Variants in RWDD2B observed in about 807,000 individuals in gnomAD.
The protein encoded by RWDD2B is RWD domain containing 2B, also known as RWD domain-containing protein 2B.
In RWDD2B, 36 loss-of-function variants were observed where a neutral mutation model predicts 33.6. The observed-to-expected ratio is 1.07, with a 90% CI of 0.82 to 1.42. The LOEUF is 1.42. Ranked by LOEUF, RWDD2B falls within the 40% of genes most tolerant of loss-of-function variation. The pLI, the probability that RWDD2B is intolerant of heterozygous loss-of-function variation, is 0.00. For missense variants in RWDD2B, 364 were observed against 377.5 expected (o/e 0.96, Z 0.30); for synonymous variants, 126 against 133.1 (o/e 0.95, Z 0.37).
rs777438336 is a variant in RWDD2B, at chr21:29,008,385, A to C, written c.294+10T>G. 3 of 1,613,652 alleles carry C rather than the reference A, an allele frequency of 1.9e-6. No individual in the cohort carries two copies. Among genetic ancestry groups the C allele is most frequent in the Non-Finnish European group, 2.5e-6 (3 of 1,179,600 alleles). ...ATGTTTCAATCCCTCTAAAAGCAAA[A>C]CTGAATTACCATTTTTTCGTCAGAT... On this transcript the variant is annotated intron_variant, in intron 2 of 4. Coordinates refer to ENST00000493196, the MANE Select transcript of RWDD2B (RefSeq NM_016940.3).
In RWDD2B at chr21:29,005,221, T is replaced by C. The variant is rs115485007; in HGVS notation, c.*1196A>G. 284 of 152,312 alleles carry C rather than the reference T, an allele frequency of 1.9e-3. 1 individual carries two copies. The highest frequency in any genetic ancestry group is 6.2e-3 in the African/African-American group (257 of 41,560). The allele number at this position is 152,312 out of a possible 1,614,324, so 9.4% of individuals were successfully genotyped here. ...TTTTCTAAATTACTAATTTGATGAA[T>C]TGTTGAGGCTTGTTAAAAAAGTTTA... On this transcript the variant is annotated 3_prime_UTR_variant, in exon 5 of 5. Transcript: ENST00000493196.
intron 1 of RWDD2B, among the ~76,000 whole-genome samples, chr21:29,017,909 G>C (rs1412960354): frequency 6.6e-6 from 1 of 152,206 alleles, no homozygotes; most frequent in African/African-American, 2.4e-5. Flanking sequence ...AGGACACGGG[G>C]AATAGAAGAG....
At chr21:29,011,575 C>T in intron 1 of RWDD2B, among the ~76,000 whole-genome samples, 1 of 148,078 alleles carries the variant, frequency 6.8e-6, no homozygotes, top group Non-Finnish European at 1.5e-5. Flanking sequence ...GCCGCCCCTT[C>T]CGGGAGGGAG....
At chr21:29,012,247 C>T (rs376140289) in intron 1 of RWDD2B, among the ~76,000 whole-genome samples, 1 of 152,150 alleles carries the variant, frequency 6.6e-6, no homozygotes, top group Middle Eastern at 3.4e-3. Flanking sequence ...CCCCTCTGCC[C>T]GGCCACCACC....
chr21:29,010,651 C>CTCTCCCTCTCCCGTCTCCCCATGG (rs1179159765), intron 1 of RWDD2B, among the ~76,000 whole-genome samples: 35 of 148,960 alleles, frequency 2.3e-4, no homozygotes, highest in Non-Finnish European at 3.0e-5. Flanking sequence ...AACCCTCTCC[C>CTCTCCCTCTCCCGTCTCCCCATGG]TCTCCCTCTC....
At chr21:29,016,591 C>T (rs2084891552) in intron 1 of RWDD2B, among the ~76,000 whole-genome samples, 1 of 151,704 alleles carries the variant, frequency 6.6e-6, no homozygotes, top group African/African-American at 2.4e-5. Flanking sequence ...AATCCTCATA[C>T]ATACTTAAAA....
At chr21:29,009,762 G>C (rs1457705194) in intron 1 of RWDD2B, 1 of 152,150 alleles carries the variant, frequency 6.6e-6, no homozygotes, top group Non-Finnish European at 1.5e-5. Flanking sequence ...TGTAGCTTAA[G>C]TCACCCCTGT....
chr21:29,008,175 G>A (rs768113366), intron 3 of RWDD2B, 52 bp from the exon 4 acceptor site: 12 of 1,610,096 alleles, frequency 7.5e-6, no homozygotes, highest in Admixed American at 5.1e-5. Flanking sequence ...AAACAAATTC[G>A]AGAATTGCTT....
At chr21:29,009,098 G>A (rs529451332) in intron 1 of RWDD2B, among the ~76,000 whole-genome samples, 4 of 152,194 alleles carry the variant, frequency 2.6e-5, no homozygotes, top group Non-Finnish European at 5.9e-5. Flanking sequence ...TGTTTATTAG[G>A]TTTTTTTGAG....
In RWDD2B at chr21:29,005,212, T is replaced by C. The variant is rs1211660586; in HGVS notation, c.*1205A>G. 6.6e-6 allele frequency: 1 copy of C among 152,188 alleles called. No individual in the cohort carries two copies. The highest frequency in any genetic ancestry group is 1.5e-5 in the Non-Finnish European group (1 of 68,034). 9.4% of individuals were successfully genotyped at this position (152,188 alleles called of 1,614,324 possible). Reference sequence around the variant, plus strand: ...CCAAACAAATTTTCTAAATTACTAATTTGATGAATTGTTGAGGCTTGTTAA... The same window carrying C: ...CCAAACAAATTTTCTAAATTACTAACTTGATGAATTGTTGAGGCTTGTTAA... On this transcript the variant is annotated 3_prime_UTR_variant, in exon 5 of 5. Transcript: ENST00000493196.
Position 29,007,812 on chromosome 21 carries a change from C to G in RWDD2B, c.674G>C (p.Gly225Ala). ...TTGTGGGCCTTCCACACAAACAACA[C>G]CAGGTTTTCCAGGCATGCTAAACCC... ...LSGFSMPGKP[G>A]VVCVEGPQSA... The change falls in exon 4 of 5, where the codon GGT becomes GCT. Residue 225 changes from glycine to alanine, a missense_variant. Coordinates refer to ENST00000493196, the MANE Select transcript of RWDD2B (RefSeq NM_016940.3). 6.2e-7 allele frequency: 1 copy of G among 1,614,208 alleles called. No homozygotes were observed. Among genetic ancestry groups the G allele is most frequent in the Non-Finnish European group, 8.5e-7 (1 of 1,180,026 alleles).
At chr21:29,015,654 C>T (rs1251250141) in intron 1 of RWDD2B, among the ~76,000 whole-genome samples, 2 of 150,640 alleles carry the variant, frequency 1.3e-5, no homozygotes, top group East Asian at 2.0e-4. Flanking sequence ...CTCAGCCTCC[C>T]GAATAGCTGG....
At chr21:29,012,079 C>T (rs1404354560) in intron 1 of RWDD2B, among the ~76,000 whole-genome samples, 106 of 143,982 alleles carry the variant, frequency 7.4e-4, no homozygotes, top group African/African-American at 2.7e-3. Context: ...AGTGAGGAGC[C>T]CCTCTGCCCG....
chr21:29,009,253 T>C (rs2084844969), intron 1 of RWDD2B, among the ~76,000 whole-genome samples: 2 of 152,080 alleles, frequency 1.3e-5, no homozygotes, highest in African/African-American at 4.8e-5. Flanking sequence ...ACGCCCGGCT[T>C]CATTTTTTAT....
At chr21:29,017,299 T>A (rs2084895168) in intron 1 of RWDD2B, among the ~76,000 whole-genome samples, 1 of 152,116 alleles carries the variant, frequency 6.6e-6, no homozygotes, top group South Asian at 2.1e-4. Context: ...GAGGATACCA[T>A]GACATCAAAA....
chr21:29,008,060 T>C lies in RWDD2B; in HGVS notation c.426A>G (p.Gln142=), dbSNP rs1384687697. 2.5e-6 allele frequency: 4 copies of C among 1,614,194 alleles called. No homozygotes were observed. The highest frequency in any genetic ancestry group is 8.5e-7 in the Non-Finnish European group (1 of 1,180,002). The change falls in exon 4 of 5, where the codon CAA becomes CAG. Residue 142 remains glutamine (Q), a synonymous_variant. Coordinates refer to ENST00000493196, the MANE Select transcript of RWDD2B (RefSeq NM_016940.3). The stretch of plus-strand genomic sequence containing the variant: ...TACAAACATCTCCATGACAATGTTT[T>C]TGCAGGAATGCAGTCAGATCTGTGT... The part of the protein sequence containing the change: ...QLNTDLTAFL[Q]KHCHGDVCIL...
intron 1 of RWDD2B, among the ~76,000 whole-genome samples, chr21:29,018,760 G>A (rs1420538616): frequency 6.6e-6 from 1 of 152,224 alleles, no homozygotes; most frequent in Non-Finnish European, 1.5e-5. Flanking sequence ...GGAGGCAGAG[G>A]AAGGGGGACT....
chr21:29,015,637 C>A (rs2084886701), intron 1 of RWDD2B, among the ~76,000 whole-genome samples: 1 of 149,790 alleles, frequency 6.7e-6, no homozygotes, highest in South Asian at 2.1e-4. Flanking sequence ...TCAAGTGATT[C>A]TCTTGCCTCA....
chr21:29,011,200 C>T (rs1211355936), intron 1 of RWDD2B, among the ~76,000 whole-genome samples: 10 of 151,232 alleles, frequency 6.6e-5, no homozygotes, highest in Non-Finnish European at 2.9e-5. Flanking sequence ...TCTGCCCAGC[C>T]GCCCTGCCAT....
Sources: allele counts gnomAD v4.1 joint callset (sites outside exome capture counted in the v4.1 genomes callset), GRCh38; gene constraint gnomAD v4.1.1; transcripts MANE v1.5; gene names NCBI Gene and HGNC (gene_info 2026-07-23, HGNC 2026-07-21).